ZC3H4: variants seen among roughly 807,000 people sequenced by gnomAD.
The protein encoded by ZC3H4 is zinc finger CCCH-type containing 4, also known as zinc finger CCCH domain-containing protein 4.
ZC3H4 carries 13 observed loss-of-function variants against 108.3 expected under a neutral mutation model. The observed-to-expected ratio is 0.12, with a 90% confidence interval of 0.08 to 0.19. The LOEUF (loss-of-function observed/expected upper bound fraction) is 0.19, where lower values mean the gene tolerates loss of function less well. Among genes scored for constraint, ZC3H4 ranks in the 10% least tolerant of loss-of-function variants. The pLI, the probability that ZC3H4 is intolerant of heterozygous loss-of-function variation, is 1.00. For synonymous variants in ZC3H4, 917 were observed against 749.6 expected (o/e 1.22, Z -3.65); for missense variants, 1,734 against 1,838.8 (o/e 0.94, Z 1.04).
intron 2 of ZC3H4, among the ~76,000 whole-genome samples, chr19:47,108,930 C>T (rs1252519539): frequency 2.6e-5 from 4 of 151,982 alleles, no homozygotes; most frequent in Non-Finnish European, 5.9e-5. Context: ...GGTTTTATGA[C>T]GAGAACATCC....
intron 11 of ZC3H4, among the ~76,000 whole-genome samples, chr19:47,075,078 G>A (rs755252028): frequency 5.3e-4 from 81 of 152,098 alleles, no homozygotes; most frequent in Non-Finnish European, 8.1e-4. Flanking sequence ...TTGTGCATTC[G>A]CAGTTTTCCC....
chr19:47,109,532 G>A (rs1302915975), intron 2 of ZC3H4, among the ~76,000 whole-genome samples: 3 of 152,186 alleles, frequency 2.0e-5, no homozygotes, highest in Non-Finnish European at 2.9e-5. Flanking sequence ...ATTTTGGGCT[G>A]ACCCAGTGCC....
intron 13 of ZC3H4, among the ~76,000 whole-genome samples, chr19:47,070,952 C>G (rs1259495204): frequency 6.6e-6 from 1 of 152,020 alleles, no homozygotes; most frequent in African/African-American, 2.4e-5. Context: ...CCAGGGACAG[C>G]CCCCAGCAGC....
At chr19:47,090,331 C>T (rs556036371) in intron 4 of ZC3H4, 142 bp from the exon 5 acceptor site, 12 of 870,858 alleles carry the variant, frequency 1.4e-5, no homozygotes, top group Admixed American at 2.6e-5. Flanking sequence ...GGTCTCCAGC[C>T]CCTCTGGGGA....
chr19:47,112,473 G>C lies in ZC3H4; in HGVS notation c.112C>G (p.Pro38Ala), dbSNP rs758111306. ...SPPPCSPDAR[P>A]ATPHLLHHRL... ...TGGTGGAGGAGGTGCGGGGTGGCCG[G>C]GCGGGCGTCGGGGGAACACGGAGGA... The change falls in exon 2 of 15, where the codon CCG (proline) becomes GCG (alanine). Residue 38 changes from proline (P) to alanine (A), a missense_variant. Pro to Ala is a conservative substitution (Grantham distance 27). Coordinates refer to ENST00000253048, the MANE Select transcript of ZC3H4 (RefSeq NM_015168.2). The C allele has an allele frequency of 4.6e-4, 553 of 1,199,418 alleles. 1 individual carries two copies. Among genetic ancestry groups the C allele is most frequent in the Non-Finnish European group, 5.5e-4 (520 of 951,370 alleles). The allele number at this position is 1,199,418 out of a possible 1,614,324, so 74.3% of individuals were successfully genotyped here.
chr19:47,099,331 C>T (rs544460081), intron 2 of ZC3H4, among the ~76,000 whole-genome samples: 27 of 151,924 alleles, frequency 1.8e-4, no homozygotes, highest in South Asian at 4.2e-4. Flanking sequence ...TGGAAGAACA[C>T]GCCTGTAAAC....
At chr19:47,075,875 C>T (rs8101418) in intron 11 of ZC3H4, among the ~76,000 whole-genome samples, 3 of 152,292 alleles carry the variant, frequency 2.0e-5, no homozygotes, top group Non-Finnish European at 2.9e-5. Context: ...AACTGCCCAT[C>T]GGTCCTGCCA....
chr19:47,069,907 G>A (rs975941413), intron 13 of ZC3H4, among the ~76,000 whole-genome samples: 1 of 152,274 alleles, frequency 6.6e-6, no homozygotes, highest in South Asian at 2.1e-4. Flanking sequence ...ACAGCATTAG[G>A]GGGTGTCTCA....
At chr19:47,101,467 C>A (rs2057902786) in intron 2 of ZC3H4, among the ~76,000 whole-genome samples, 1 of 152,054 alleles carries the variant, frequency 6.6e-6, no homozygotes, top group Non-Finnish European at 1.5e-5. Flanking sequence ...CCTGCCTTGG[C>A]CTTCTCCTGC....
chr19:47,070,894 A>C (rs895730951), intron 13 of ZC3H4, among the ~76,000 whole-genome samples: 1 of 151,742 alleles, frequency 6.6e-6, no homozygotes, highest in Non-Finnish European at 1.5e-5. Context: ...CCGTGTCCAA[A>C]CCTCGAAGCC....
Position 47,093,997 on chromosome 19 carries a change from G to A in ZC3H4, c.465C>T (p.Tyr155=). The part of the protein sequence containing the change: ...FSPSEKGHRK[Y]REYSPPYAPS... ...GCGCATATGGGGGGCTGTACTCTCTGTACTTGCGGTGACCTTTCTCACTGG... is the reference window on the plus strand; with the variant it reads ...GCGCATATGGGGGGCTGTACTCTCTATACTTGCGGTGACCTTTCTCACTGG... The change falls in exon 4 of 15, where the codon TAC becomes TAT. Residue 155 remains tyrosine (Y), a synonymous_variant. Transcript: ENST00000253048. 6.2e-7 allele frequency: 1 copy of A among 1,614,174 alleles called. No homozygotes were observed. The highest frequency in any genetic ancestry group is 8.5e-7 in the Non-Finnish European group (1 of 1,180,040).
chr19:47,070,560 T>C (rs186090899), intron 13 of ZC3H4, among the ~76,000 whole-genome samples: 1 of 152,238 alleles, frequency 6.6e-6, no homozygotes, highest in African/African-American at 2.4e-5. Context: ...TTAGACGCAT[T>C]TGTTGAAGGG....
At chr19:47,091,613 C>T (rs1161095203) in intron 4 of ZC3H4, among the ~76,000 whole-genome samples, 8 of 149,778 alleles carry the variant, frequency 5.3e-5, no homozygotes, top group African/African-American at 1.5e-4. Context: ...TTGGGCCAAG[C>T]GTGGTAGCTC....
At chr19:47,079,909 AC>A (rs1283136350) in intron 11 of ZC3H4, among the ~76,000 whole-genome samples, 1 of 151,900 alleles carries the variant, frequency 6.6e-6, no homozygotes, top group Non-Finnish European at 1.5e-5. Flanking sequence ...AAACAAAAAA[AC>A]CCTAGGGCAG....
At chr19:47,082,342 T>G in intron 9 of ZC3H4, 47 bp from the exon 10 acceptor site, 22 of 1,423,616 alleles carry the variant, frequency 1.5e-5, no homozygotes, top group Non-Finnish European at 2.1e-5. Context: ...TGGGAAGCTC[T>G]TGCTTACTTC....
In ZC3H4 at chr19:47,079,172, G is replaced by C. The variant is rs538463329; in HGVS notation, c.1440+2341C>G. Reference sequence around the variant, plus strand: ...AGCCTCTCGAGTAGCTGGGATTACAGGTATGCACCACCTTGCCTGGCTAAT... The same window carrying C: ...AGCCTCTCGAGTAGCTGGGATTACACGTATGCACCACCTTGCCTGGCTAAT... On this transcript the variant is annotated intron_variant, in intron 11 of 14. Coordinates refer to ENST00000253048, the MANE Select transcript of ZC3H4 (RefSeq NM_015168.2). Among the ~76,000 whole-genome samples the C allele has an allele frequency of 2.0e-5, 3 of 150,976 alleles. No homozygotes were observed. The South Asian group carries it at 6.3e-4, about 32-fold the overall frequency.
chr19:47,072,203 A>C lies in ZC3H4; in HGVS notation c.1803-82T>G, dbSNP rs1289572543. On this transcript the variant is annotated intron_variant, in intron 12 of 14. Transcript: ENST00000253048. The surrounding 1 kb of genome is among the most constrained non-coding windows in gnomAD (Gnocchi z 5.6). ...CCCCAGAGGAGAGGCGGAGGGCTGC[A>C]GAGCCGAAGGTCATGGGCCCCAGAC... The C allele has an allele frequency of 4.2e-6, 6 of 1,418,296 alleles. No homozygotes were observed. The highest frequency in any genetic ancestry group is 5.7e-6 in the Non-Finnish European group (6 of 1,061,854). 87.9% of individuals were successfully genotyped at this position (1,418,296 alleles called of 1,614,324 possible). A position where few individuals can be genotyped will look rare whatever the true frequency, so the allele number is the denominator to read the frequency against.
At chr19:47,081,996 C>CCCTGGA (rs1286981342) in intron 10 of ZC3H4, among the ~76,000 whole-genome samples, 188 bp downstream of exon 10, 3 of 152,072 alleles carry the variant, frequency 2.0e-5, no homozygotes, top group African/African-American at 7.2e-5. Context: ...TCAGTTTACT[C>CCCTGGA]CCTGGAAGGA....
intron 2 of ZC3H4, chr19:47,112,080 A>AC (rs939978912): frequency 6.2e-5 from 62 of 1,001,102 alleles, no homozygotes; most frequent in East Asian, 2.7e-4. Flanking sequence ...TCTCCGCAGC[A>AC]CCCCCCACGG....
Sources: allele counts gnomAD v4.1 joint callset (sites outside exome capture counted in the v4.1 genomes callset), GRCh38; gene constraint gnomAD v4.1.1; non-coding constraint Gnocchi (gnomAD v3.1); transcripts MANE v1.5; gene names NCBI Gene and HGNC (gene_info 2026-07-23, HGNC 2026-07-21).